The following TBC1D5 variants were observed in gnomAD, a reference collection of about 807,000 sequenced individuals.
TBC1D5 encodes the protein TBC1 domain family member 5, also known as TBC1 domain family, member 5.
In TBC1D5, 75 loss-of-function variants were observed where a neutral mutation model predicts 100.3. That is an observed-to-expected ratio of 0.75 (90% CI 0.62 to 0.91). The LOEUF is 0.91. Ranked by LOEUF, TBC1D5 falls within the 40% of genes least tolerant of loss-of-function variation. The pLI, the probability that TBC1D5 is intolerant of heterozygous loss-of-function variation, is 0.00. For synonymous variants in TBC1D5, 323 were observed against 325.6 expected (o/e 0.99, Z 0.09); for missense variants, 910 against 942.4 (o/e 0.97, Z 0.45).
At position 17,161,063 on chromosome 3, in the gene TBC1D5, A is replaced by T. The variant is rs762991764; in HGVS notation, c.2288T>A (p.Met763Lys). 2.5e-6 allele frequency: 4 copies of T among 1,614,216 alleles called. 1 individual carries two copies. In the South Asian group the frequency reaches 4.4e-5, roughly 18 times the overall value. Residue 763 changes from methionine to lysine, a missense_variant, in exon 22 of 22, where the codon ATG (methionine) becomes AAG (lysine). Transcript: ENST00000253692. Reference sequence around the variant, plus strand: ...GCTGGAGGAAGCTGAGGCTGGGCCCATCAGTGGATCTGAGAACACCAGTGG... The same window carrying T: ...GCTGGAGGAAGCTGAGGCTGGGCCCTTCAGTGGATCTGAGAACACCAGTGG...
chr3:17,173,242 TTTC>T (rs1213961027), intron 19 of TBC1D5, among the ~76,000 whole-genome samples: 1 of 152,208 alleles, frequency 6.6e-6, no homozygotes, highest in Non-Finnish European at 1.5e-5. Flanking sequence ...ATTTCAGATC[TTTC>T]AGACTCCTGA....
intron 1 of TBC1D5, among the ~76,000 whole-genome samples, chr3:17,669,361 T>C (rs1395118791): frequency 6.6e-6 from 1 of 152,136 alleles, no homozygotes; most frequent in African/African-American, 2.4e-5. Context: ...AATGGACTAA[T>C]ACAACGACAA....
At chr3:17,205,871 G>A (rs1014387350) in intron 18 of TBC1D5, among the ~76,000 whole-genome samples, 94 of 152,144 alleles carry the variant, frequency 6.2e-4, no homozygotes, top group African/African-American at 2.2e-3. Flanking sequence ...ATGGCAGAGT[G>A]GAAAGATGGT....
chr3:17,393,509 T>C (rs971623332), intron 8 of TBC1D5, among the ~76,000 whole-genome samples: 29 of 152,126 alleles, frequency 1.9e-4, no homozygotes, highest in African/African-American at 7.0e-4. Context: ...AGAGCCCATA[T>C]ATTCATGACA....
At chr3:17,675,150 T>C (rs2068459305) in intron 1 of TBC1D5, among the ~76,000 whole-genome samples, 1 of 152,046 alleles carries the variant, frequency 6.6e-6, no homozygotes, top group African/African-American at 2.4e-5. Context: ...AGAACGTTTC[T>C]AACAAGTAAG....
intron 2 of TBC1D5, among the ~76,000 whole-genome samples, chr3:17,551,706 C>A (rs909473723): frequency 1.3e-5 from 2 of 152,164 alleles, no homozygotes; most frequent in African/African-American, 4.8e-5. Flanking sequence ...GAAAACTTTA[C>A]AAGCTTTCTG....
chr3:17,203,299 G>GCATATTTACCCAATGT (rs1575932022), intron 18 of TBC1D5, among the ~76,000 whole-genome samples: 1 of 152,152 alleles, frequency 6.6e-6, no homozygotes, highest in African/African-American at 2.4e-5. Flanking sequence ...TTCAGAATGG[G>GCATATTTACCCAATGT]CATATTTACC....
At chr3:17,347,182 T>C (rs1279367833) in intron 13 of TBC1D5, among the ~76,000 whole-genome samples, 1 of 152,210 alleles carries the variant, frequency 6.6e-6, no homozygotes, top group Non-Finnish European at 1.5e-5. Context: ...ATCCTTCAAG[T>C]ACCAACTATG....
intron 13 of TBC1D5, chr3:17,337,643 A>G (rs1173942774): frequency 1.3e-5 from 2 of 152,180 alleles, no homozygotes; most frequent in African/African-American, 2.4e-5. Context: ...CATCCTAATT[A>G]AGACAAAAGA....
In TBC1D5 at chr3:17,486,254, G is replaced by A. The variant is rs1266681970; in HGVS notation, c.97+22220C>T. Among the ~76,000 whole-genome samples the A allele has an allele frequency of 1.2e-4, 18 of 152,164 alleles. No individual in the cohort carries two copies. The South Asian group carries it at 3.5e-3, about 30-fold the overall frequency. On this transcript the variant is annotated intron_variant, in intron 3 of 21. Coordinates refer to ENST00000253692, the Ensembl canonical transcript of TBC1D5. ...TGGATATTAGCCCTTTGTCAGATGA[G>A]TAGGTTGCGAAAATTTTCTCCCATT...
chr3:17,242,752 G>A (rs2076404073), intron 16 of TBC1D5, among the ~76,000 whole-genome samples: 1 of 151,976 alleles, frequency 6.6e-6, no homozygotes, highest in Non-Finnish European at 1.5e-5. Context: ...CAGAAATATT[G>A]GAGGAATGGA....
In TBC1D5 at chr3:17,381,269, G is replaced by A. The variant is rs1471921609; in HGVS notation, c.612+2644C>T. 3.3e-5 allele frequency among the ~76,000 whole-genome samples: 5 copies of A among 151,894 alleles called. No individual in the cohort carries two copies. The East Asian group carries it at 9.7e-4, about 29-fold the overall frequency. On this transcript the variant is annotated intron_variant, in intron 9 of 21. Coordinates refer to ENST00000253692, the Ensembl canonical transcript of TBC1D5. The stretch of plus-strand genomic sequence containing the variant: ...CACAGTTATTATGTTTTTGTTCCTT[G>A]TCCATAGAACTTGTTTCCATTATTA...
In TBC1D5 at chr3:17,374,463, A is replaced by G; in HGVS notation, c.822+8T>C. 1.2e-6 allele frequency: 2 copies of G among 1,609,112 alleles called. No homozygotes were observed. Among genetic ancestry groups the G allele is most frequent in the Non-Finnish European group, 1.7e-6 (2 of 1,177,472 alleles). On this transcript the variant is annotated splice_region_variant and intron_variant, in intron 12 of 21. Coordinates refer to ENST00000253692, the Ensembl canonical transcript of TBC1D5. ...ATATACTGAAAAGATCTGTACTATA[A>G]GATTTACCTTCTGACCATCATGCTC...
Position 17,202,990 on chromosome 3 carries a change from G to T in TBC1D5, c.1752+11217C>A, listed in dbSNP as rs567552255. On this transcript the variant is annotated intron_variant, in intron 18 of 21. Coordinates refer to ENST00000253692, the Ensembl canonical transcript of TBC1D5. ...TGCCTAGTGGAGTTGTGACAAGAGG[G>T]CCACTGTCCTCCAGACCCCAGAATG... Among the ~76,000 whole-genome samples the T allele has an allele frequency of 4.6e-5, 7 of 152,334 alleles. No individual in the cohort carries two copies. The South Asian group carries it at 1.2e-3, about 27-fold the overall frequency.
intron 17 of TBC1D5, among the ~76,000 whole-genome samples, chr3:17,220,673 T>C (rs556922646): frequency 6.6e-6 from 1 of 152,272 alleles, no homozygotes; most frequent in Admixed American, 6.5e-5. Flanking sequence ...AATTTCTCCT[T>C]TTTTCCATGA....
intron 17 of TBC1D5, among the ~76,000 whole-genome samples, chr3:17,225,842 TCAA>T (rs956108380): frequency 1.2e-4 from 18 of 152,132 alleles, no homozygotes; most frequent in South Asian, 2.1e-4. Flanking sequence ...GGACCCTGTC[TCAA>T]CAACAACAAC....
intron 3 of TBC1D5, among the ~76,000 whole-genome samples, chr3:17,492,138 C>A (rs1484107406): frequency 6.6e-6 from 1 of 152,016 alleles, no homozygotes; most frequent in Admixed American, 6.6e-5. Context: ...GGTCAGTGGT[C>A]ATATCCCCTT....
intron 15 of TBC1D5, among the ~76,000 whole-genome samples, chr3:17,269,383 T>C (rs1399848123): frequency 6.6e-6 from 1 of 152,192 alleles, no homozygotes; most frequent in Non-Finnish European, 1.5e-5. Context: ...CAGAGAGATT[T>C]GTAGTGGTCT....
intron 8 of TBC1D5, among the ~76,000 whole-genome samples, chr3:17,389,514 A>G (rs1382141542): frequency 3.3e-5 from 5 of 152,098 alleles, no homozygotes; most frequent in Non-Finnish European, 7.4e-5. Context: ...GCTGTAAGGA[A>G]GCCAAACAGC....
Sources: gnomAD v4.1 joint callset for allele counts (sites outside exome capture counted in the v4.1 genomes callset) on GRCh38, gnomAD v4.1.1 for gene constraint, MANE v1.5 for transcripts, NCBI Gene and HGNC (gene_info 2026-07-23, HGNC 2026-07-21) for gene names.